Variants in EFHB observed in about 807,000 individuals in gnomAD.
EFHB encodes the protein EF-hand domain family member B.
Under a neutral mutation model 87.2 loss-of-function variants are expected in EFHB, and 91 were observed. The observed-to-expected ratio is 1.04, with a 90% CI of 0.88 to 1.24. The LOEUF (loss-of-function observed/expected upper bound fraction) is 1.24. Ranked by LOEUF, EFHB falls within the 50% of genes most tolerant of loss-of-function variation. The probability of loss-of-function intolerance (pLI) is 0.00; values close to 1 mark genes in which losing one functional copy is unlikely to be tolerated. For missense variants in EFHB, 1,084 were observed against 998.8 expected (o/e 1.09, Z -1.15); for synonymous variants, 325 against 333.6 (o/e 0.97, Z 0.28).
rs1287833791 is a variant in EFHB at position 19,933,705 on chromosome 3, A to G, written c.314T>C (p.Leu105Ser). 6.2e-7 allele frequency: 1 copy of G among 1,613,856 alleles called. No homozygotes were observed. The highest frequency in any genetic ancestry group is 8.5e-7 in the Non-Finnish European group (1 of 1,179,894). The change falls in exon 1 of 13, where the codon TTG becomes TCG. Residue 105 changes from leucine to serine, a missense_variant. Transcript: ENST00000295824. ...ATTTTCTAACCCCATTCTTCCTGGC[A>G]ACAGAGAAGGTTTTGTTCCCTGTGA... ...SASQGTKPSL[L>S]PGRMGLENES...
Position 19,884,538 on chromosome 3 carries a change from C to T in EFHB, c.2011G>A (p.Asp671Asn). Residue 671 changes from aspartate (D) to asparagine (N), a missense_variant, in exon 11 of 13, where the codon GAT becomes AAT. Transcript: ENST00000295824. ...CTTCCTGCTTCTTTTAAGACAATAT[C>T]TTCTGGCTTTATGAGGAGAGTTTGT... ...PEQTLLIKPE[D>N]IVLKEAGSTE... 1 of 1,613,948 alleles carries T rather than the reference C, an allele frequency of 6.2e-7. No individual in the cohort carries two copies. Among genetic ancestry groups the T allele is most frequent in the African/African-American group, 1.3e-5 (1 of 75,020 alleles).
At chr3:19,946,161 G>C (rs1014436225) in intron 1 of EFHB, 4 of 152,230 alleles carry the variant, frequency 2.6e-5, no homozygotes, top group Middle Eastern at 3.4e-3. Context: ...TCACGTTCTG[G>C]AGCCAACCCG....
chr3:19,935,708 T>A (rs1395010151), upstream of EFHB, among the ~76,000 whole-genome samples: 1 of 151,030 alleles, frequency 6.6e-6, no homozygotes, highest in African/African-American at 2.4e-5. Flanking sequence ...GAGATTCCAT[T>A]TAAAAATAAA....
intron 6 of EFHB, among the ~76,000 whole-genome samples, chr3:19,900,277 T>A (rs968520084): frequency 4.6e-5 from 7 of 151,512 alleles, no homozygotes; most frequent in Admixed American, 1.3e-4. Flanking sequence ...AATAAAAAAA[T>A]TTAGCATCAA....
chr3:19,933,715 G>T lies in EFHB; in HGVS notation c.304C>A (p.Pro102Thr), dbSNP rs757574339. The T allele has an allele frequency of 5.6e-6, 9 of 1,613,830 alleles. No individual in the cohort carries two copies. Among genetic ancestry groups the T allele is most frequent in the Non-Finnish European group, 7.6e-6 (9 of 1,179,898 alleles). Residue 102 changes from proline to threonine, a missense_variant, in exon 1 of 13, where the codon CCT (proline) becomes ACT (threonine). Coordinates refer to ENST00000295824, the MANE Select transcript of EFHB (RefSeq NM_144715.4). ...DSVSASQGTK[P>T]SLLPGRMGLE... ...CCCATTCTTCCTGGCAACAGAGAAGGTTTTGTTCCCTGTGAAGCTGAGACA... is the reference window on the plus strand; with the variant it reads ...CCCATTCTTCCTGGCAACAGAGAAGTTTTTGTTCCCTGTGAAGCTGAGACA...
At chr3:19,887,492 C>A (rs1694148504) in intron 10 of EFHB, among the ~76,000 whole-genome samples, 1 of 150,740 alleles carries the variant, frequency 6.6e-6, no homozygotes, top group African/African-American at 2.4e-5. Context: ...TATACATATA[C>A]ACATATGTAT....
At position 19,918,341 on chromosome 3, in the gene EFHB, T is replaced by C. The variant is rs1466364188; in HGVS notation, c.1068A>G (p.Ile356Met). 4.3e-6 allele frequency: 7 copies of C among 1,612,242 alleles called. No homozygotes were observed. The highest frequency in any genetic ancestry group is 5.9e-6 in the Non-Finnish European group (7 of 1,179,296). The change falls in exon 4 of 13, where the codon ATA becomes ATG. Residue 356 changes from isoleucine to methionine, a missense_variant. Ile to Met is a conservative substitution (Grantham distance 10, BLOSUM62 1). Coordinates refer to ENST00000295824, the MANE Select transcript of EFHB (RefSeq NM_144715.4). Reference sequence around the variant, plus strand: ...ATGGTGCTCGTCGATTGCTAAGATATATAGATTCTTTTTTATCTTTAATTT... The same window carrying C: ...ATGGTGCTCGTCGATTGCTAAGATACATAGATTCTTTTTTATCTTTAATTT... ...QQKIKDKKESIYLSNRRAPLG... is the reference protein window; with the variant it reads ...QQKIKDKKESMYLSNRRAPLG...
chr3:19,909,044 C>G (rs1248701155), intron 5 of EFHB, among the ~76,000 whole-genome samples: 1 of 126,938 alleles, frequency 7.9e-6, no homozygotes, highest in African/African-American at 2.9e-5. Flanking sequence ...GCCCCCCACC[C>G]CCTACAAGGA....
At chr3:19,910,339 G>A (rs191084971) in intron 5 of EFHB, among the ~76,000 whole-genome samples, 3 of 152,192 alleles carry the variant, frequency 2.0e-5, no homozygotes, top group South Asian at 2.1e-4. Context: ...CTGGGGTGGC[G>A]GTGGCTACCC....
chr3:19,907,957 A>C (rs1409719058), intron 5 of EFHB, among the ~76,000 whole-genome samples: 1 of 152,206 alleles, frequency 6.6e-6, no homozygotes, highest in African/African-American at 2.4e-5. Context: ...CTCTGGGTCT[A>C]AGGGCAAATT....
Position 19,879,592 on chromosome 3 carries a change from TA to T in EFHB, c.*38del. The T allele has an allele frequency of 3.3e-6, 5 of 1,516,058 alleles. No individual in the cohort carries two copies. The highest frequency in any genetic ancestry group is 4.4e-6 in the Non-Finnish European group (5 of 1,133,488). 93.9% of individuals were successfully genotyped at this position (1,516,058 alleles called of 1,614,324 possible). On this transcript the variant is annotated 3_prime_UTR_variant, in exon 13 of 13. Coordinates refer to ENST00000295824, the MANE Select transcript of EFHB (RefSeq NM_144715.4). ...TCAACATTTTAGATAAACACAGAGT[TA>T]ATAATTCTTTTGCTTGAATGAATGA...
upstream of EFHB, among the ~76,000 whole-genome samples, chr3:19,937,898 T>C (rs561616423): frequency 7.9e-5 from 12 of 152,274 alleles, no homozygotes; most frequent in South Asian, 2.5e-3. Flanking sequence ...AGTGCTTCTG[T>C]CTCCTCCTCC....
Position 19,882,051 on chromosome 3 carries a change from ATAAATAAATAAT to A in EFHB, c.2328+487_2328+498del, listed in dbSNP as rs796513489. 5.5e-3 allele frequency among the ~76,000 whole-genome samples: 744 copies of A among 135,214 alleles called. 11 individuals carry two copies. Among genetic ancestry groups the A allele is most frequent in the African/African-American group, 0.022 (604 of 27,544 alleles). 88.7% of individuals were successfully genotyped at this position (135,214 alleles called of 152,430 possible). On this transcript the variant is annotated intron_variant, in intron 12 of 12. Coordinates refer to ENST00000295824, the MANE Select transcript of EFHB (RefSeq NM_144715.4). ...AATAAATAAATAAATAAATAAATAA[ATAAATAAATAAT>A]TAAATAAGACAGATGTATTACCTTA... is the stretch of plus-strand genomic sequence containing the variant.
intron 1 of EFHB, among the ~76,000 whole-genome samples, chr3:19,923,891 A>G (rs1222844818): frequency 6.6e-6 from 1 of 152,228 alleles, no homozygotes; most frequent in Non-Finnish European, 1.5e-5. Flanking sequence ...TTAGAATTTA[A>G]ATATGATAAT....
At chr3:19,945,935 G>A (rs1411261988) in intron 1 of EFHB, 3 of 152,074 alleles carry the variant, frequency 2.0e-5, no homozygotes, top group Admixed American at 1.3e-4. Flanking sequence ...AAACTGAAAA[G>A]TAGCCTTTAT....
chr3:19,889,389 C>A (rs1694222118), intron 9 of EFHB, among the ~76,000 whole-genome samples: 1 of 152,114 alleles, frequency 6.6e-6, no homozygotes, highest in Non-Finnish European at 1.5e-5. Flanking sequence ...GGCAAAGGTC[C>A]CAGTTTTCTT....
chr3:19,885,651 C>G (rs1441297297), intron 10 of EFHB, among the ~76,000 whole-genome samples: 1 of 152,178 alleles, frequency 6.6e-6, no homozygotes, highest in African/African-American at 2.4e-5. Context: ...GTTGCAAAGG[C>G]AAGTGACCTG....
intron 1 of EFHB, among the ~76,000 whole-genome samples, chr3:19,922,508 G>C (rs745889579): frequency 6.6e-6 from 1 of 152,168 alleles, no homozygotes; most frequent in African/African-American, 2.4e-5. Context: ...GGCATTAATA[G>C]GAGCATTAAT....
chr3:19,939,370 CTTTTTTTT>C (rs147510880), intron 1 of EFHB, among the ~76,000 whole-genome samples: 127 of 64,588 alleles, frequency 2.0e-3, no homozygotes, highest in African/African-American at 7.3e-3. Flanking sequence ...GTTGGGTCTC[CTTTTTTTT>C]TTTTTTTTTT....
Sources: gnomAD v4.1 joint callset for allele counts (sites outside exome capture counted in the v4.1 genomes callset) on GRCh38, gnomAD v4.1.1 for gene constraint, MANE v1.5 for transcripts, NCBI Gene and HGNC (gene_info 2026-07-23, HGNC 2026-07-21) for gene names.